Variants in SYTL3 observed in about 807,000 individuals in gnomAD.
SYTL3 encodes synaptotagmin like 3.
SYTL3 carries 88 observed loss-of-function variants against 82.1 expected under a neutral mutation model. That is an observed-to-expected ratio of 1.07 (90% CI 0.90 to 1.28). SYTL3 has a LOEUF of 1.28. SYTL3 is among the 50% of genes most tolerant of loss of function. The probability of loss-of-function intolerance (pLI) is 0.00; values close to 1 mark genes in which losing one functional copy is unlikely to be tolerated. For missense variants in SYTL3, 831 were observed against 757.6 expected, an observed-to-expected ratio of 1.10 and a Z score of -1.14; for synonymous variants, 311 against 289.4, an observed-to-expected ratio of 1.07 and a Z score of -0.76.
chr6:158,653,472 T>C (rs766992289), intron 2 of SYTL3, among the ~76,000 whole-genome samples: 6 of 151,818 alleles, frequency 4.0e-5, no homozygotes, highest in Non-Finnish European at 7.4e-5. Context: ...CGCCATTGCA[T>C]TCCCGCCTGG....
intron 8 of SYTL3, 67 bp downstream of exon 8, chr6:158,708,458 G>A (rs1351406871): frequency 6.8e-7 from 1 of 1,477,112 alleles, no homozygotes; most frequent in East Asian, 2.3e-5. Flanking sequence ...AAGCAGGGGA[G>A]CTTTCGAGGC....
At chr6:158,698,021 C>T (rs1039885675) in intron 6 of SYTL3, among the ~76,000 whole-genome samples, 1 of 152,208 alleles carries the variant, frequency 6.6e-6, no homozygotes, top group Non-Finnish European at 1.5e-5. Flanking sequence ...CAGTCCTGCT[C>T]TGTGTCTTCT....
At chr6:158,760,532 A>T in intron 14 of SYTL3, 108 bp from the exon 15 acceptor site, 1 of 907,810 alleles carries the variant, frequency 1.1e-6, no homozygotes, top group Non-Finnish European at 1.8e-6. Context: ...AGGGCCTTGC[A>T]GGGGCCAGGG....
intron 7 of SYTL3, 150 bp downstream of exon 7, chr6:158,707,431 C>A: frequency 1.5e-6 from 1 of 645,216 alleles, no homozygotes; most frequent in Non-Finnish European, 2.6e-6. Context: ...GATAAAGTTC[C>A]TGAAAAAGAT....
intron 13 of SYTL3, among the ~76,000 whole-genome samples, chr6:158,755,029 GAATGTGGGGC>G (rs1788891807): frequency 6.6e-6 from 1 of 152,154 alleles, no homozygotes; most frequent in African/African-American, 2.4e-5. Flanking sequence ...GACAGAGATT[GAATGTGGGGC>G]AGAGTCGGAA....
At chr6:158,713,699 A>G in intron 8 of SYTL3, 101 bp from the exon 9 acceptor site, 2 of 824,856 alleles carry the variant, frequency 2.4e-6, no homozygotes, top group Non-Finnish European at 4.1e-6. Context: ...ACTCGCACAC[A>G]CCCACATGCC....
At chr6:158,670,962 C>T (rs1451834486) in intron 5 of SYTL3, among the ~76,000 whole-genome samples, 1 of 151,816 alleles carries the variant, frequency 6.6e-6, no homozygotes, top group East Asian at 1.9e-4. Flanking sequence ...ACCACCAAGC[C>T]CGGCTAATTT....
At chr6:158,709,020 G>A (rs1022825474) in intron 8 of SYTL3, among the ~76,000 whole-genome samples, 7 of 152,202 alleles carry the variant, frequency 4.6e-5, no homozygotes, top group Non-Finnish European at 8.8e-5. Flanking sequence ...GTCACTTGAG[G>A]ATAGGAGTTC....
At chr6:158,655,842 G>A (rs765183280) in intron 2 of SYTL3, among the ~76,000 whole-genome samples, 19 of 152,156 alleles carry the variant, frequency 1.2e-4, no homozygotes, top group Non-Finnish European at 1.6e-4. Context: ...GGTGGCAGAG[G>A]CAGCTACTCA....
intron 5 of SYTL3, among the ~76,000 whole-genome samples, chr6:158,668,209 C>T (rs1191244003): frequency 1.4e-5 from 2 of 138,278 alleles, no homozygotes; most frequent in African/African-American, 2.8e-5. Flanking sequence ...GGAGCCTTGT[C>T]CTGGGAGGGC....
At chr6:158,689,176 T>C (rs1035285039) in intron 6 of SYTL3, among the ~76,000 whole-genome samples, 9 of 152,236 alleles carry the variant, frequency 5.9e-5, no homozygotes, top group Non-Finnish European at 1.3e-4. Context: ...CTTGTAGATA[T>C]CTTTTTGGCA....
upstream of SYTL3, among the ~76,000 whole-genome samples, chr6:158,649,594 TC>T (rs1463867878): frequency 6.6e-6 from 1 of 152,254 alleles, no homozygotes; most frequent in Non-Finnish European, 1.5e-5. Flanking sequence ...TTTTGAAGGT[TC>T]CCCTTGGTGA....
intron 14 of SYTL3, among the ~76,000 whole-genome samples, chr6:158,759,977 A>G (rs1424618483): frequency 6.6e-6 from 1 of 152,010 alleles, no homozygotes. Flanking sequence ...TGGCCCAGGG[A>G]AGCCAAAAGA....
chr6:158,673,675 G>A (rs151155785), intron 5 of SYTL3, among the ~76,000 whole-genome samples: 4,601 of 150,474 alleles, frequency 0.031, 258 homozygotes, highest in African/African-American at 0.11. Flanking sequence ...TTCTGACCTC[G>A]TGATCCACTG....
Position 158,757,997 on chromosome 6 carries a change from A to C in SYTL3, c.1308+616A>C, listed in dbSNP as rs200607552. 7.9e-5 allele frequency among the ~76,000 whole-genome samples: 12 copies of C among 152,166 alleles called. No homozygotes were observed. In the East Asian group the frequency reaches 2.3e-3, roughly 29 times the overall value. ...ATTTAGGATCCGTGTCCCCCAGGCT[A>C]TGCAGGTAGGAGGAGAGGCCTGGGA... On this transcript the variant is annotated intron_variant, in intron 14 of 17. Coordinates refer to ENST00000611299, the MANE Select transcript of SYTL3 (RefSeq NM_001242394.2).
At chr6:158,710,439 A>T (rs953698273) in intron 8 of SYTL3, among the ~76,000 whole-genome samples, 1 of 152,174 alleles carries the variant, frequency 6.6e-6, no homozygotes, top group African/African-American at 2.4e-5. Context: ...CTCTTCCCTT[A>T]GGAAATATCA....
intron 2 of SYTL3, among the ~76,000 whole-genome samples, chr6:158,652,284 G>T (rs1196403750): frequency 6.6e-6 from 1 of 151,818 alleles, no homozygotes; most frequent in Non-Finnish European, 1.5e-5. Flanking sequence ...GTCTCACTCT[G>T]TTGCCCAGGC....
chr6:158,725,987 C>A, intron 11 of SYTL3: 1 of 663,492 alleles, frequency 1.5e-6, no homozygotes. Context: ...GTTGGAGCTG[C>A]GTTAGGCATG....
Position 158,663,499 on chromosome 6 carries a change from C to T in SYTL3, c.110+121C>T, listed in dbSNP as rs1053647007. On this transcript the variant is annotated intron_variant, in intron 4 of 17. Transcript: ENST00000611299. ...TACCCACCTGCTGCTGGGCTTCGTG[C>T]CTGAGAAGGGTCCTAACGAAGGTCT... is the stretch of plus-strand genomic sequence containing the variant. 17 of 1,486,718 alleles carry T rather than the reference C, an allele frequency of 1.1e-5. No homozygotes were observed. In the African/African-American group the frequency reaches 2.0e-4, roughly 17 times the overall value. The allele number at this position is 1,486,718 out of a possible 1,614,324, so 92.1% of individuals were successfully genotyped here.
Sources: gnomAD v4.1 joint callset for allele counts (sites outside exome capture counted in the v4.1 genomes callset) on GRCh38, gnomAD v4.1.1 for gene constraint, MANE v1.5 for transcripts, NCBI Gene and HGNC (gene_info 2026-07-23, HGNC 2026-07-21) for gene names.